ZNF469: variants seen among roughly 807,000 people sequenced by gnomAD.
The protein encoded by ZNF469 is zinc finger protein 469.
Under a neutral mutation model 1.0 loss-of-function variants are expected in ZNF469, and 1 was observed. The observed-to-expected ratio is 1.00, with a 90% CI of 0.35 to 4.73. ZNF469 has a LOEUF of 4.73. ZNF469 is among the 30% of genes most tolerant of loss of function. The pLI is 0.16. For missense variants in ZNF469, 6,100 were observed against 5,356.3 expected, an observed-to-expected ratio of 1.14 and a Z score of -4.33; for synonymous variants, 2,703 against 2,363.4, an observed-to-expected ratio of 1.14 and a Z score of -4.17.
the ZNF469 span, among the ~76,000 whole-genome samples, chr16:88,288,457 T>G: frequency 6.6e-6 from 1 of 152,218 alleles, no homozygotes; most frequent in Non-Finnish European, 1.5e-5. Flanking sequence ...CCCATCCACC[T>G]ATCCAAATCT....
chr16:88,214,101 A>T, the ZNF469 span, among the ~76,000 whole-genome samples: 2 of 152,214 alleles, frequency 1.3e-5, no homozygotes, highest in East Asian at 1.9e-4. Context: ...TCTTCGCTTA[A>T]CAGGGAACTG....
In ZNF469 at chr16:88,439,085, C is replaced by T. The variant is rs974559662; in HGVS notation, c.11615C>T (p.Pro3872Leu). 28 of 1,550,814 alleles carry T rather than the reference C, an allele frequency of 1.8e-5. No homozygotes were observed. Among genetic ancestry groups the T allele is most frequent in the Non-Finnish European group, 1.8e-5 (21 of 1,146,976 alleles). ...CCCAACAGCCAGAACAAACCCAGGC[C>T]GCCACCATCAGAGCAGCGGAAGGCA... ...PKPNSQNKPR[P>L]PPSEQRKAEP... Residue 3872 changes from proline to leucine, a missense_variant, in exon 3 of 3, where the codon CCG becomes CTG. Coordinates refer to ENST00000565624, the MANE Select transcript of ZNF469 (RefSeq NM_001367624.2).
At chr16:88,282,157 A>G in the ZNF469 span, among the ~76,000 whole-genome samples, 3 of 152,228 alleles carry the variant, frequency 2.0e-5, no homozygotes, top group Admixed American at 1.3e-4. Context: ...GGGATGGACC[A>G]AGGGCCAGAA....
rs369993792 is a variant in ZNF469 at position 88,429,299 on chromosome 16, C to G, written c.1829C>G (p.Pro610Arg). The G allele has an allele frequency of 1.3e-6, 2 of 1,549,940 alleles. No individual in the cohort carries two copies. The highest frequency in any genetic ancestry group is 8.7e-7 in the Non-Finnish European group (1 of 1,146,850). The change falls in exon 3 of 3, where the codon CCG becomes CGG. Residue 610 changes from proline (P) to arginine (R), a missense_variant. Coordinates refer to ENST00000565624, the MANE Select transcript of ZNF469 (RefSeq NM_001367624.2). ...TAGSTCSSLS[P>R]MSSSPANPSS... ...GGCAGCACCTGCTCTTCCCTGTCGC[C>G]GATGTCCAGCAGCCCAGCCAACCCC...
chr16:88,249,861 C>A, the ZNF469 span, among the ~76,000 whole-genome samples: 2 of 152,350 alleles, frequency 1.3e-5, no homozygotes, highest in Admixed American at 6.5e-5. Flanking sequence ...CTGCACCCAG[C>A]CCCCATGACC....
the ZNF469 span, among the ~76,000 whole-genome samples, chr16:88,308,269 C>T: frequency 1.3e-5 from 2 of 152,134 alleles, no homozygotes; most frequent in Non-Finnish European, 2.9e-5. Context: ...TGCGTGAGTC[C>T]TCCAGCTTTG....
At chr16:88,387,795 C>T (rs1904377648) in intron 1 of ZNF469, among the ~76,000 whole-genome samples, 1 of 152,188 alleles carries the variant, frequency 6.6e-6, no homozygotes, top group Non-Finnish European at 1.5e-5. Flanking sequence ...CCTGCCACCC[C>T]GTCCCCCTAA....
the ZNF469 span, among the ~76,000 whole-genome samples, chr16:88,351,761 G>A: frequency 6.6e-6 from 1 of 152,038 alleles, no homozygotes; most frequent in Non-Finnish European, 1.5e-5. Context: ...GGGGTTGTGC[G>A]GGGCTCCAGG....
the ZNF469 span, among the ~76,000 whole-genome samples, chr16:88,218,101 C>T: frequency 6.8e-6 from 1 of 146,004 alleles, no homozygotes; most frequent in African/African-American, 2.5e-5. Flanking sequence ...TCCCCAGCAC[C>T]TATTGTTTCC....
chr16:88,354,204 T>C, the ZNF469 span, among the ~76,000 whole-genome samples: 1 of 152,136 alleles, frequency 6.6e-6, no homozygotes, highest in Non-Finnish European at 1.5e-5. Flanking sequence ...GCAGAAAGTC[T>C]GCCGCAGGAG....
At chr16:88,275,217 C>T in the ZNF469 span, among the ~76,000 whole-genome samples, 91 of 152,292 alleles carry the variant, frequency 6.0e-4, no homozygotes, top group Non-Finnish European at 1.2e-3. Flanking sequence ...ACAGTCCGAA[C>T]GATCCTACAT....
the ZNF469 span, among the ~76,000 whole-genome samples, chr16:88,124,034 C>T: frequency 2.0e-5 from 3 of 152,196 alleles, no homozygotes; most frequent in Admixed American, 2.0e-4. Context: ...AACTCCTGAA[C>T]TCAGGTGAAC....
chr16:88,245,885 C>T, the ZNF469 span, among the ~76,000 whole-genome samples: 2 of 152,280 alleles, frequency 1.3e-5, no homozygotes, highest in Non-Finnish European at 2.9e-5. Context: ...CAAAGGCAGC[C>T]GAACAGACCA....
chr16:88,316,545 CTT>C, the ZNF469 span, among the ~76,000 whole-genome samples: 1 of 101,004 alleles, frequency 9.9e-6, no homozygotes, highest in Non-Finnish European at 1.8e-5. Flanking sequence ...TAGGTGCTGT[CTT>C]TTTTTTTTTT....
the ZNF469 span, among the ~76,000 whole-genome samples, chr16:88,230,379 G>A: frequency 1.3e-5 from 2 of 152,344 alleles, no homozygotes; most frequent in African/African-American, 2.4e-5. Flanking sequence ...AGATTTGGGG[G>A]TGACCCCAGG....
the ZNF469 span, among the ~76,000 whole-genome samples, chr16:88,266,890 CA>C: frequency 6.6e-6 from 1 of 152,214 alleles, no homozygotes; most frequent in African/African-American, 2.4e-5. Flanking sequence ...GTTGGTGTGA[CA>C]AGAATGACAC....
the ZNF469 span, among the ~76,000 whole-genome samples, chr16:88,158,403 C>T: frequency 0.56 from 85,658 of 151,860 alleles, 28,266 homozygotes; most frequent in Non-Finnish European, 0.76. Flanking sequence ...AGCTGCAAGG[C>T]GACATCCTGC....
chr16:88,359,161 C>T, the ZNF469 span, among the ~76,000 whole-genome samples: 3 of 152,106 alleles, frequency 2.0e-5, no homozygotes, highest in African/African-American at 7.3e-5. Context: ...GCTCGGTATC[C>T]TGCCTGCATT....
the ZNF469 span, among the ~76,000 whole-genome samples, chr16:88,307,389 T>A: frequency 3.3e-5 from 5 of 152,380 alleles, 1 homozygote; most frequent in Admixed American, 3.3e-4. Flanking sequence ...ACAGTCACTG[T>A]ACAGTTAACA....
Sources: gnomAD v4.1 joint callset for allele counts (sites outside exome capture counted in the v4.1 genomes callset) on GRCh38, gnomAD v4.1.1 for gene constraint, MANE v1.5 for transcripts, NCBI Gene and HGNC (gene_info 2026-07-23, HGNC 2026-07-21) for gene names.